OSBPL9: variants seen among roughly 807,000 people sequenced by gnomAD.
The protein encoded by OSBPL9 is oxysterol-binding protein-related protein 9.
In OSBPL9, 40 loss-of-function variants were observed where a neutral mutation model predicts 106.6. That is an observed-to-expected ratio of 0.38 (90% CI 0.29 to 0.49). OSBPL9 has a LOEUF of 0.49. Among genes scored for constraint, OSBPL9 ranks in the 20% least tolerant of loss-of-function variants. The pLI, the probability that OSBPL9 is intolerant of heterozygous loss-of-function variation, is 0.97. For synonymous variants in OSBPL9, 269 were observed against 295.4 expected (o/e 0.91, Z 0.92); for missense variants, 609 against 887.2 (o/e 0.69, Z 3.98).
intron 1 of OSBPL9, among the ~76,000 whole-genome samples, chr1:51,621,098 T>C (rs539774665): frequency 2.0e-5 from 3 of 152,354 alleles, no homozygotes; most frequent in African/African-American, 7.2e-5. Flanking sequence ...ATCCAGCTTA[T>C]ACAAGTATCA....
At chr1:51,737,256 A>G (rs941517648) in intron 4 of OSBPL9, among the ~76,000 whole-genome samples, 2 of 152,088 alleles carry the variant, frequency 1.3e-5, no homozygotes, top group African/African-American at 4.8e-5. Flanking sequence ...AAAACATTTT[A>G]TAATTTTATA....
the OSBPL9 span, among the ~76,000 whole-genome samples, chr1:51,540,659 A>C: frequency 6.7e-6 from 1 of 149,070 alleles, no homozygotes. Flanking sequence ...TCTCAAAAAA[A>C]AAAAAAATTT....
At chr1:51,784,061 T>C (rs1248772819) in intron 18 of OSBPL9, 36 bp downstream of exon 18, 5 of 1,539,926 alleles carry the variant, frequency 3.2e-6, no homozygotes, top group East Asian at 4.5e-5. Flanking sequence ...TACAATGTTA[T>C]AGGAGAATTT....
intron 1 of OSBPL9, among the ~76,000 whole-genome samples, chr1:51,641,109 T>C (rs1487927243): frequency 6.6e-6 from 1 of 152,150 alleles, no homozygotes; most frequent in East Asian, 1.9e-4. Flanking sequence ...GATTTAAGAC[T>C]GACATTTAGC....
chr1:51,685,458 A>G (rs1653569264), intron 3 of OSBPL9, among the ~76,000 whole-genome samples: 1 of 150,936 alleles, frequency 6.6e-6, no homozygotes, highest in South Asian at 2.1e-4. Context: ...CTCAGGCTGG[A>G]GTATAGTGGC....
chr1:51,585,399 T>C (rs2148599971), intron 1 of OSBPL9, among the ~76,000 whole-genome samples: 1 of 152,208 alleles, frequency 6.6e-6, no homozygotes, highest in Non-Finnish European at 1.5e-5. Context: ...GAGATGAGGA[T>C]TGGAGTGTGT....
At chr1:51,731,670 G>T (rs1249854622) in intron 4 of OSBPL9, among the ~76,000 whole-genome samples, 1 of 151,950 alleles carries the variant, frequency 6.6e-6, no homozygotes, top group Non-Finnish European at 1.5e-5. Flanking sequence ...CCAGCTACTC[G>T]GGAGGCTGAG....
In OSBPL9 at chr1:51,583,092, A is replaced by C. The variant is rs181884904; in HGVS notation, c.-423+5836A>C. Among the ~76,000 whole-genome samples, 208 of 152,226 alleles carry C rather than the reference A, an allele frequency of 1.4e-3. 1 individual carries two copies. Among genetic ancestry groups the C allele is most frequent in the Non-Finnish European group, 2.1e-3 (142 of 68,014 alleles). ...TGACAAAGTGAGACTCTGTTTCAAAAAAAGAAAAAAATATATAAATATATA... is the reference window on the plus strand; with the variant it reads ...TGACAAAGTGAGACTCTGTTTCAAACAAAGAAAAAAATATATAAATATATA... On this transcript the variant is annotated intron_variant, in intron 1 of 25. Transcript: ENST00000371714.
intron 2 of OSBPL9, among the ~76,000 whole-genome samples, chr1:51,665,173 T>C (rs879288244): frequency 6.6e-6 from 1 of 152,200 alleles, no homozygotes; most frequent in African/African-American, 2.4e-5. Flanking sequence ...AGACAGAGTT[T>C]CGCTCTTGTT....
At chr1:51,665,858 GTA>G (rs370056829) in intron 2 of OSBPL9, among the ~76,000 whole-genome samples, 1 of 151,844 alleles carries the variant, frequency 6.6e-6, no homozygotes, top group East Asian at 1.9e-4. Context: ...AATGTTTTGT[GTA>G]TATATATATA....
intron 1 of OSBPL9, among the ~76,000 whole-genome samples, chr1:51,625,141 C>CTG (rs1485466908): frequency 6.6e-6 from 1 of 152,172 alleles, no homozygotes; most frequent in Non-Finnish European, 1.5e-5. Context: ...GCCTGTGGAA[C>CTG]TGTGTGCCAT....
At chr1:51,746,679 G>A (rs374918957) in intron 5 of OSBPL9, 31 bp from the exon 6 acceptor site, 6 of 1,535,746 alleles carry the variant, frequency 3.9e-6, no homozygotes, top group Non-Finnish European at 5.4e-6. Flanking sequence ...AAAGTGGCTT[G>A]ATACTATAAC....
chr1:51,713,406 T>C (rs988174268), intron 3 of OSBPL9, among the ~76,000 whole-genome samples: 4 of 152,048 alleles, frequency 2.6e-5, no homozygotes, highest in Non-Finnish European at 4.4e-5. Context: ...CGCCTCAGCC[T>C]CCCAAAATGC....
intron 4 of OSBPL9, among the ~76,000 whole-genome samples, chr1:51,731,077 G>T (rs1470490823): frequency 1.3e-5 from 2 of 149,400 alleles, no homozygotes; most frequent in Non-Finnish European, 3.0e-5. Flanking sequence ...TGTGCAGCCC[G>T]ACAAGAGACA....
At chr1:51,546,226 A>G in the OSBPL9 span, among the ~76,000 whole-genome samples, 16 of 152,192 alleles carry the variant, frequency 1.1e-4, no homozygotes, top group African/African-American at 3.6e-4. Context: ...CATGTTGCCC[A>G]GGCTGGTCTC....
intron 8 of OSBPL9, 76 bp from the exon 9 acceptor site, chr1:51,756,244 T>G: frequency 7.8e-7 from 1 of 1,276,914 alleles, no homozygotes; most frequent in Non-Finnish European, 1.1e-6. Context: ...GTAAATAAGC[T>G]TTCTTGTAGG....
At chr1:51,703,282 T>C (rs1422669585) in intron 3 of OSBPL9, among the ~76,000 whole-genome samples, 1 of 152,202 alleles carries the variant, frequency 6.6e-6, no homozygotes, top group East Asian at 1.9e-4. Context: ...GAGCATGGAA[T>C]GTTCTTCCAT....
intron 1 of OSBPL9, among the ~76,000 whole-genome samples, chr1:51,579,978 C>T (rs949238353): frequency 1.3e-5 from 2 of 152,060 alleles, no homozygotes; most frequent in Admixed American, 1.3e-4. Flanking sequence ...CTGTCTCCAC[C>T]GTCCTTGTTC....
At chr1:51,563,637 A>T in the OSBPL9 span, 3 of 152,126 alleles carry the variant, frequency 2.0e-5, no homozygotes, top group African/African-American at 7.2e-5. Flanking sequence ...TATACTTCGG[A>T]TTTGGCATCA....
Sources: gnomAD v4.1 joint callset for allele counts (sites outside exome capture counted in the v4.1 genomes callset) on GRCh38, gnomAD v4.1.1 for gene constraint, MANE v1.5 for transcripts, NCBI Gene and HGNC (gene_info 2026-07-23, HGNC 2026-07-21) for gene names.